The following ANK3 variants were observed in gnomAD, a reference collection of about 807,000 sequenced individuals.
ANK3 encodes the protein ankyrin-3.
Under a neutral mutation model 370.9 loss-of-function variants are expected in ANK3, and 57 were observed. The ratio of observed to expected loss-of-function variants is 0.15; its 90% CI spans 0.12 to 0.19. ANK3 has a LOEUF of 0.19. Ranked by LOEUF, ANK3 falls within the 10% of genes least tolerant of loss-of-function variation. The pLI is 1.00. For synonymous variants in ANK3, 1,929 were observed against 1,946.3 expected, an observed-to-expected ratio of 0.99 and a Z score of 0.23; for missense variants, 4,439 against 5,302.1, an observed-to-expected ratio of 0.84 and a Z score of 5.06.
intron 2 of ANK3, among the ~76,000 whole-genome samples, chr10:60,534,755 G>T (rs1174955387): frequency 6.6e-6 from 1 of 152,128 alleles, no homozygotes; most frequent in Non-Finnish European, 1.5e-5. Flanking sequence ...CCATAAGCCA[G>T]CTGTAACAGT....
At chr10:60,151,054 A>G (rs1283081227) in intron 23 of ANK3, among the ~76,000 whole-genome samples, 2 of 152,188 alleles carry the variant, frequency 1.3e-5, no homozygotes, top group African/African-American at 4.8e-5. Flanking sequence ...AAATTAGGGT[A>G]TTAAATTAGG....
chr10:60,295,882 G>A (rs2042392105), intron 1 of ANK3, among the ~76,000 whole-genome samples: 1 of 151,980 alleles, frequency 6.6e-6, no homozygotes, highest in Admixed American at 6.6e-5. Flanking sequence ...TGAGATGAAT[G>A]GTATTGTTTT....
intron 18 of ANK3, among the ~76,000 whole-genome samples, chr10:60,180,211 A>G (rs1333612640): frequency 2.0e-5 from 3 of 152,222 alleles, no homozygotes; most frequent in East Asian, 3.9e-4. Context: ...CAATATGCCC[A>G]TATACCTCAG....
intron 2 of ANK3, among the ~76,000 whole-genome samples, chr10:60,561,364 G>C (rs955963442): frequency 6.6e-6 from 1 of 152,154 alleles, no homozygotes; most frequent in Non-Finnish European, 1.5e-5. Context: ...AGTAGACTGG[G>C]TACCAAGGGG....
At chr10:60,198,316 G>T (rs772937930) in intron 14 of ANK3, 24 bp downstream of exon 14, 1 of 1,612,902 alleles carries the variant, frequency 6.2e-7, no homozygotes, top group Admixed American at 1.7e-5. Context: ...GGACAGAGCA[G>T]GATTCTGAGA....
intron 17 of ANK3, among the ~76,000 whole-genome samples, chr10:60,185,040 T>G (rs1045295002): frequency 6.6e-6 from 1 of 152,202 alleles, no homozygotes; most frequent in South Asian, 2.1e-4. Flanking sequence ...CTATAGAAAA[T>G]TCAAAAGATC....
At chr10:60,366,260 G>C (rs748901992) in intron 1 of ANK3, among the ~76,000 whole-genome samples, 98 of 152,244 alleles carry the variant, frequency 6.4e-4, no homozygotes, top group Non-Finnish European at 1.2e-3. Context: ...TTGAACCCGG[G>C]AGGCGGAGTT....
chr10:60,389,820 G>A lies in ANK3; in HGVS notation c.-282C>T. 3.3e-6 allele frequency: 4 copies of A among 1,197,424 alleles called. 1 individual carries two copies. In the African/African-American group the frequency reaches 4.7e-5, roughly 14 times the overall value. 74.2% of individuals were successfully genotyped at this position (1,197,424 alleles called of 1,614,324 possible). On this transcript the variant is annotated 5_prime_UTR_variant, in exon 1 of 44. Coordinates refer to ENST00000280772, the MANE Select transcript of ANK3 (RefSeq NM_020987.5). ...TTACCGTAGTGAAGAAGACAGCTGG[G>A]ACAGAGGAAGCTGTATTATGGCTGT...
chr10:60,473,000 A>G (rs888479510), intron 2 of ANK3, among the ~76,000 whole-genome samples: 16 of 152,310 alleles, frequency 1.1e-4, no homozygotes, highest in African/African-American at 3.8e-4. Context: ...GGCAGCTCTA[A>G]GGTAGGAATT....
chr10:60,420,914 T>C (rs1366348734), intron 2 of ANK3, among the ~76,000 whole-genome samples: 2 of 152,120 alleles, frequency 1.3e-5, no homozygotes, highest in African/African-American at 4.8e-5. Context: ...GAAATATTCA[T>C]AGCATTATAC....
At chr10:60,171,733 C>T (rs970714189) in intron 21 of ANK3, among the ~76,000 whole-genome samples, 7 of 152,138 alleles carry the variant, frequency 4.6e-5, no homozygotes, top group Non-Finnish European at 1.0e-4. Context: ...GCAATAGGGC[C>T]TCCTGGTAAA....
intron 1 of ANK3, among the ~76,000 whole-genome samples, chr10:60,343,385 A>C (rs2054694691): frequency 6.6e-6 from 1 of 152,178 alleles, no homozygotes; most frequent in Non-Finnish European, 1.5e-5. Context: ...CTCTAAGTTC[A>C]ATGAGTAAAG....
At chr10:60,327,913 C>A (rs1022392557) in intron 1 of ANK3, among the ~76,000 whole-genome samples, 5 of 151,862 alleles carry the variant, frequency 3.3e-5, no homozygotes, top group African/African-American at 1.2e-4. Flanking sequence ...GTTTCAGAGT[C>A]AAAATGATTT....
intron 40 of ANK3, chr10:60,059,774 C>A (rs993655279): frequency 1.9e-6 from 3 of 1,614,168 alleles, no homozygotes; most frequent in Admixed American, 3.3e-5. Flanking sequence ...CTGAGTCTTC[C>A]AGTTTGCTGT....
chr10:60,205,957 G>C (rs2096756304), intron 10 of ANK3, 67 bp from the exon 11 acceptor site: 1 of 1,040,058 alleles, frequency 9.6e-7, no homozygotes. Context: ...ACTGTGTGCA[G>C]TAAATAGTTT....
intron 1 of ANK3, among the ~76,000 whole-genome samples, chr10:60,647,389 T>A (rs2078722957): frequency 6.6e-6 from 1 of 152,234 alleles, no homozygotes; most frequent in Non-Finnish European, 1.5e-5. Flanking sequence ...TTTTATTTCA[T>A]GTACAACGCC....
chr10:60,712,527 T>C (rs541369137), intron 1 of ANK3, among the ~76,000 whole-genome samples: 2 of 152,302 alleles, frequency 1.3e-5, no homozygotes, highest in East Asian at 1.9e-4. Flanking sequence ...AATGGAATCA[T>C]ATAAAGTGCT....
At position 60,552,887 on chromosome 10, in the gene ANK3, T is replaced by A. The variant is rs182779133; in HGVS notation, c.96+62299A>T. On this transcript the variant is annotated intron_variant, in intron 2 of 43. Coordinates refer to the ANK3 transcript ENST00000373827. ...GTGATAGTGAATGGGTCTCATGAGATCTGAAGGTTTTAAAAATGGGAGTTT... is the reference window on the plus strand; with the variant it reads ...GTGATAGTGAATGGGTCTCATGAGAACTGAAGGTTTTAAAAATGGGAGTTT... Among the ~76,000 whole-genome samples, 23 of 152,264 alleles carry A rather than the reference T, an allele frequency of 1.5e-4. 1 individual carries two copies. The highest frequency in any genetic ancestry group is 1.5e-3 in the Admixed American group (23 of 15,282).
chr10:60,348,333 AC>A (rs1170230462), intron 1 of ANK3, among the ~76,000 whole-genome samples: 1 of 129,678 alleles, frequency 7.7e-6, no homozygotes, highest in Non-Finnish European at 1.6e-5. Flanking sequence ...ATGAAAGAAA[AC>A]CCTATCACTA....
Sources: allele counts gnomAD v4.1 joint callset (sites outside exome capture counted in the v4.1 genomes callset), GRCh38; gene constraint gnomAD v4.1.1; transcripts MANE v1.5; gene names NCBI Gene and HGNC (gene_info 2026-07-23, HGNC 2026-07-21).